Variants in SIN3B observed in about 807,000 individuals in gnomAD.
The protein encoded by SIN3B is SIN3 transcription regulator family member B, also known as paired amphipathic helix protein Sin3b.
A neutral mutation model predicts 120.2 loss-of-function variants in SIN3B; 19 were observed. The ratio of observed to expected loss-of-function variants is 0.16; its 90% CI spans 0.11 to 0.23. SIN3B has a LOEUF of 0.23. Among genes scored for constraint, SIN3B ranks in the 10% least tolerant of loss-of-function variants. The probability of loss-of-function intolerance (pLI) is 1.00; values close to 1 mark genes in which losing one functional copy is unlikely to be tolerated. For synonymous variants in SIN3B, 654 were observed against 653.2 expected (o/e 1.00, Z -0.02); for missense variants, 1,073 against 1,573.0 (o/e 0.68, Z 5.38).
chr19:16,861,930 A>C lies in SIN3B; in HGVS notation c.1059-422A>C, dbSNP rs773879. Among the ~76,000 whole-genome samples the C allele has an allele frequency of 7.4e-3, 1,123 of 152,258 alleles. 14 individuals are homozygous for C. The highest frequency in any genetic ancestry group is 0.026 in the African/African-American group (1,064 of 41,542). On this transcript the variant is annotated intron_variant, in intron 8 of 18. Transcript: ENST00000248054. The stretch of plus-strand genomic sequence containing the variant: ...AGCCTGGGCAACAGAGTAAGACACT[A>C]TCTCTAAAAAGAAAATACCAAACCA...
intron 14 of SIN3B, among the ~76,000 whole-genome samples, chr19:16,875,552 TTGGTC>T (rs544805908): frequency 0.013 from 1,809 of 141,604 alleles, 58 homozygotes; most frequent in African/African-American, 0.046. Context: ...TCTGGTCTGT[TTGGTC>T]TGGTCTGGTC....
chr19:16,854,806 C>G (rs543839907), intron 8 of SIN3B: 2 of 152,388 alleles, frequency 1.3e-5, no homozygotes, highest in African/African-American at 4.8e-5. Flanking sequence ...AGATCCTGAA[C>G]TGGAATAATT....
At chr19:16,878,474 C>G in intron 18 of SIN3B, 23 bp from the exon 19 acceptor site, 1 of 1,562,522 alleles carries the variant, frequency 6.4e-7, no homozygotes, top group Middle Eastern at 1.7e-4. Context: ...CTCAGCTGCC[C>G]TGACACCCGG....
intron 3 of SIN3B, among the ~76,000 whole-genome samples, chr19:16,835,241 T>A (rs1971332830): frequency 6.7e-6 from 1 of 150,180 alleles, no homozygotes; most frequent in Non-Finnish European, 1.5e-5. Flanking sequence ...TTTTTTTTTT[T>A]TTTTTGAGAC....
intron 12 of SIN3B, among the ~76,000 whole-genome samples, chr19:16,869,168 A>AC (rs1452269977): frequency 1.3e-5 from 2 of 151,786 alleles, no homozygotes; most frequent in African/African-American, 4.8e-5. Context: ...CCCCCTGTGA[A>AC]CCCCGCCCCA....
intron 3 of SIN3B, among the ~76,000 whole-genome samples, chr19:16,839,672 C>A (rs1217682701): frequency 6.6e-6 from 1 of 152,134 alleles, no homozygotes; most frequent in Non-Finnish European, 1.5e-5. Context: ...AGACGCAGCC[C>A]CCTGTGAGCC....
At position 16,829,556 on chromosome 19, in the gene SIN3B, G is replaced by A; in HGVS notation, c.120+16G>A. ...GCCGGTGCACGTGAGTGGCGTCCCC[G>A]CCCTCCCTCGGGGAACCCATCTTCT... On this transcript the variant is annotated intron_variant, in intron 1 of 18. Transcript: ENST00000248054. 3.2e-6 allele frequency: 4 copies of A among 1,237,780 alleles called. No individual in the cohort carries two copies. The highest frequency in any genetic ancestry group is 4.0e-6 in the Non-Finnish European group (4 of 990,000). The allele number at this position is 1,237,780 out of a possible 1,614,324, so 76.7% of individuals were successfully genotyped here.
intron 6 of SIN3B, among the ~76,000 whole-genome samples, chr19:16,852,695 C>G (rs1277575558): frequency 6.6e-6 from 1 of 152,218 alleles, no homozygotes; most frequent in African/African-American, 2.4e-5. Flanking sequence ...AGGGTCTTCC[C>G]AGTGCCACCC....
intron 2 of SIN3B, 74 bp downstream of exon 2, chr19:16,829,971 CCT>C: frequency 1.1e-6 from 1 of 950,572 alleles, no homozygotes; most frequent in Admixed American, 1.8e-5. Context: ...TGAGACCTCC[CCT>C]CTCCAGCCTG....
At chr19:16,873,078 G>A (rs7250509) in intron 14 of SIN3B, among the ~76,000 whole-genome samples, 35 of 152,000 alleles carry the variant, frequency 2.3e-4, no homozygotes, top group African/African-American at 8.2e-4. Flanking sequence ...CGCACTCTGT[G>A]TCCTCCCTGG....
intron 3 of SIN3B, among the ~76,000 whole-genome samples, chr19:16,834,995 C>T (rs918445848): frequency 2.7e-5 from 4 of 150,342 alleles, no homozygotes; most frequent in Non-Finnish European, 5.9e-5. Context: ...GACACAATCT[C>T]GACTCACCGC....
At chr19:16,841,716 A>T (rs566584447) in intron 3 of SIN3B, 52 bp from the exon 4 acceptor site, 4 of 1,550,152 alleles carry the variant, frequency 2.6e-6, no homozygotes, top group Non-Finnish European at 3.6e-6. Flanking sequence ...GGTGTTTTTC[A>T]CAATCTGTTT....
chr19:16,873,883 C>T (rs1178237846), intron 14 of SIN3B, among the ~76,000 whole-genome samples: 1 of 152,222 alleles, frequency 6.6e-6, no homozygotes, highest in African/African-American at 2.4e-5. Flanking sequence ...TAAAAATTAG[C>T]ATTGCTGTTT....
At position 16,862,305 on chromosome 19, in the gene SIN3B, A is replaced by C; in HGVS notation, c.1059-47A>C. 4 of 1,497,900 alleles carry C rather than the reference A, an allele frequency of 2.7e-6. No homozygotes were observed. The highest frequency in any genetic ancestry group is 3.7e-6 in the Non-Finnish European group (4 of 1,081,638). 92.8% of individuals were successfully genotyped at this position (1,497,900 alleles called of 1,614,324 possible). On this transcript the variant is annotated intron_variant, in intron 8 of 18. Coordinates refer to ENST00000248054, the MANE Select transcript of SIN3B (RefSeq NM_001297595.2). This position sits in a 1 kb window ranked among gnomAD's most constrained non-coding sequence, Gnocchi z 4.7. ...ATTCTAAAATCTCCAGATCCCTCTCAGAAGGCCCTGGGGATGACCAGTTAC... is the reference window on the plus strand; with the variant it reads ...ATTCTAAAATCTCCAGATCCCTCTCCGAAGGCCCTGGGGATGACCAGTTAC...
intron 3 of SIN3B, among the ~76,000 whole-genome samples, chr19:16,835,088 G>A (rs781386384): frequency 2.0e-5 from 3 of 150,652 alleles, no homozygotes; most frequent in Non-Finnish European, 3.0e-5. Context: ...CAGCGCGCCC[G>A]ACTAATTTTG....
At chr19:16,869,216 C>T (rs963795773) in intron 12 of SIN3B, among the ~76,000 whole-genome samples, 6 of 152,130 alleles carry the variant, frequency 3.9e-5, no homozygotes, top group Non-Finnish European at 2.9e-5. Context: ...TCTGGGGTCC[C>T]GGGATGACTT....
At chr19:16,834,825 C>G (rs1471612324) in intron 3 of SIN3B, among the ~76,000 whole-genome samples, 1 of 152,136 alleles carries the variant, frequency 6.6e-6, no homozygotes, top group Non-Finnish European at 1.5e-5. Context: ...GAGCTTTCGG[C>G]TCCCTGGAGT....
Position 16,876,517 on chromosome 19 carries a change from T to A in SIN3B, c.2798T>A (p.Ile933Asn). ...VMFLQRKGQV[I>N]MTIELLDTEE... Reference sequence around the variant, plus strand: ...TTCCTGCAGCGCAAAGGGCAGGTGATCATGACCATCGAGCTCCTGGACACC... The same window carrying A: ...TTCCTGCAGCGCAAAGGGCAGGTGAACATGACCATCGAGCTCCTGGACACC... The change falls in exon 16 of 19, where the codon ATC (isoleucine) becomes AAC (asparagine). Residue 933 changes from isoleucine to asparagine, a missense_variant. By Grantham distance (149) the Ile-to-Asn change is moderately radical. Around this residue, in one of 7 missense-constraint regions of SIN3B, gnomAD observed 311 missense variants for 400.3 expected, o/e 0.78. Coordinates refer to ENST00000248054, the MANE Select transcript of SIN3B (RefSeq NM_001297595.2). This position sits in a 1 kb window ranked among gnomAD's most constrained non-coding sequence, Gnocchi z 7.1. The A allele has an allele frequency of 6.2e-7, 1 of 1,613,414 alleles. No individual in the cohort carries two copies. Among genetic ancestry groups the A allele is most frequent in the Non-Finnish European group, 8.5e-7 (1 of 1,179,922 alleles).
At position 16,876,156 on chromosome 19, in the gene SIN3B, C is replaced by T. The variant is rs1380957676; in HGVS notation, c.2694C>T (p.Cys898=). The change falls in exon 15 of 19, where the codon TGC becomes TGT. Residue 898 remains cysteine (C), a synonymous_variant. Transcript: ENST00000248054. This position sits in a 1 kb window ranked among gnomAD's most constrained non-coding sequence, Gnocchi z 7.1. ...CTGGTGGGAACCTGTCCTCCCGCTG[C>T]GTCCGCGCTGCTAGGGAGACCAGCT... The part of the protein sequence containing the change: ...GAAGGNLSSR[C]VRAARETSYQ... 39 of 1,612,812 alleles carry T rather than the reference C, an allele frequency of 2.4e-5. No individual in the cohort carries two copies. Among genetic ancestry groups the T allele is most frequent in the South Asian group, 3.3e-5 (3 of 90,896 alleles).
Sources: allele counts gnomAD v4.1 joint callset (sites outside exome capture counted in the v4.1 genomes callset), GRCh38; gene constraint gnomAD v4.1.1; regional missense constraint gnomAD v4.1.1; non-coding constraint Gnocchi (gnomAD v3.1); transcripts MANE v1.5; gene names NCBI Gene and HGNC (gene_info 2026-07-23, HGNC 2026-07-21).